Variants in ADNP2 observed in about 807,000 individuals in gnomAD.
ADNP2 encodes the protein ADNP homeobox 2.
In ADNP2, 8 loss-of-function variants were observed where a neutral mutation model predicts 16.4. The observed-to-expected ratio is 0.49, with a 90% CI of 0.29 to 0.88. The LOEUF is 0.88. ADNP2 is among the 40% of genes least tolerant of loss of function. The pLI, the probability that ADNP2 is intolerant of heterozygous loss-of-function variation, is 0.09. For missense variants in ADNP2, 1,397 were observed against 1,395.1 expected (o/e 1.00, Z -0.02); for synonymous variants, 637 against 545.8 (o/e 1.17, Z -2.33).
chr18:80,122,983 A>AT (rs1350742673), intron 2 of ADNP2, among the ~76,000 whole-genome samples: 1 of 151,904 alleles, frequency 6.6e-6, no homozygotes, highest in Non-Finnish European at 1.5e-5. Flanking sequence ...AGTCCCTTCA[A>AT]TTCCTAGTTT....
intron 1 of ADNP2, among the ~76,000 whole-genome samples, chr18:80,113,804 A>C (rs936533691): frequency 1.3e-5 from 2 of 152,092 alleles, no homozygotes; most frequent in Non-Finnish European, 2.9e-5. Flanking sequence ...TTATGGTACT[A>C]AGTCCTAGGA....
chr18:80,118,102 A>G (rs2052400742), intron 2 of ADNP2, among the ~76,000 whole-genome samples: 1 of 152,194 alleles, frequency 6.6e-6, no homozygotes, highest in Non-Finnish European at 1.5e-5. Flanking sequence ...GTTGGCATAT[A>G]TAGTTTTAAA....
At chr18:80,120,825 T>G (rs2052419852) in intron 2 of ADNP2, among the ~76,000 whole-genome samples, 1 of 152,118 alleles carries the variant, frequency 6.6e-6, no homozygotes. Context: ...CAACTAATTT[T>G]TGTATTTTTA....
Position 80,116,992 on chromosome 18 carries a change from G to T in ADNP2, c.-13-538G>T, listed in dbSNP as rs532176456. ...AGTGGACATTTTTCTTTGGAGAAGT[G>T]TCTATGATCCTTTGCCCATTTGTAA... On this transcript the variant is annotated intron_variant, in intron 1 of 3. Transcript: ENST00000262198. Among the ~76,000 whole-genome samples the T allele has an allele frequency of 2.0e-5, 3 of 152,286 alleles. No homozygotes were observed. The East Asian group carries it at 5.8e-4, about 29-fold the overall frequency.
At chr18:80,112,054 C>T (rs2052361105) in intron 1 of ADNP2, among the ~76,000 whole-genome samples, 1 of 152,050 alleles carries the variant, frequency 6.6e-6, no homozygotes, top group Non-Finnish European at 1.5e-5. Context: ...TAGGTTGGTG[C>T]ATGATGTGGA....
At chr18:80,113,508 A>T (rs2052370700) in intron 1 of ADNP2, among the ~76,000 whole-genome samples, 1 of 152,036 alleles carries the variant, frequency 6.6e-6, no homozygotes, top group Non-Finnish European at 1.5e-5. Context: ...TAATTTTTTG[A>T]TGCTAATTTA....
intron 1 of ADNP2, among the ~76,000 whole-genome samples, chr18:80,113,927 A>G (rs189389987): frequency 2.6e-5 from 4 of 152,246 alleles, no homozygotes; most frequent in Admixed American, 2.0e-4. Context: ...ATGGTGGTTC[A>G]TGCCTGTAAT....
intron 2 of ADNP2, among the ~76,000 whole-genome samples, chr18:80,132,616 TTTC>T (rs1418567852): frequency 6.6e-6 from 1 of 152,006 alleles, no homozygotes; most frequent in African/African-American, 2.4e-5. Flanking sequence ...TCTCTTTCTC[TTTC>T]TTTTTTCTCT....
intron 1 of ADNP2, chr18:80,110,087 C>T (rs534224703): frequency 2.0e-5 from 3 of 152,250 alleles, no homozygotes; most frequent in South Asian, 2.1e-4. Context: ...GTTTGAAGAA[C>T]AGCTGATAAC....
intron 1 of ADNP2, among the ~76,000 whole-genome samples, chr18:80,111,612 G>T (rs531563012): frequency 2.3e-4 from 34 of 149,420 alleles, no homozygotes; most frequent in Non-Finnish European, 4.1e-4. Context: ...TGTCGCCCAG[G>T]CTGGAGTGCA....
rs1194640698 is a variant in ADNP2, at chr18:80,137,845, A to G, written c.2432A>G (p.Asp811Gly). The change falls in exon 4 of 4, where the codon GAT becomes GGT. Residue 811 changes from aspartate to glycine, a missense_variant. Transcript: ENST00000262198. The surrounding 1 kb of genome is among the most constrained non-coding windows in gnomAD (Gnocchi z 4.2). ...MDYSNRGFQL[D>G]VDANGNLLFP... is the part of the protein sequence containing the mutation. Reference sequence around the variant, plus strand: ...TATAGCAACAGAGGTTTTCAATTAGATGTCGATGCCAATGGCAACCTGCTC... The same window carrying G: ...TATAGCAACAGAGGTTTTCAATTAGGTGTCGATGCCAATGGCAACCTGCTC... 1.2e-6 allele frequency: 2 copies of G among 1,614,048 alleles called. No individual in the cohort carries two copies. The highest frequency in any genetic ancestry group is 2.2e-5 in the East Asian group (1 of 44,876).
At chr18:80,122,126 G>A (rs746425004) in intron 2 of ADNP2, among the ~76,000 whole-genome samples, 11 of 152,024 alleles carry the variant, frequency 7.2e-5, no homozygotes, top group Non-Finnish European at 1.5e-4. Flanking sequence ...TGTGATGTTG[G>A]CCAGGCTGAT....
chr18:80,133,347 A>G lies in ADNP2; in HGVS notation c.198+155A>G, dbSNP rs11659940. Among the ~76,000 whole-genome samples the G allele has an allele frequency of 8.6e-3, 1,311 of 152,308 alleles. 12 individuals are homozygous for G. Among genetic ancestry groups the G allele is most frequent in the Admixed American group, 0.019 (295 of 15,304 alleles). On this transcript the variant is annotated intron_variant, in intron 3 of 3. Coordinates refer to ENST00000262198, the MANE Select transcript of ADNP2 (RefSeq NM_014913.4). Reference sequence around the variant, plus strand: ...TCAGAGAAGTAGCAAGAAACCAAGTATAGTGTGTGGTCAGGCAGGGTTACT... The same window carrying G: ...TCAGAGAAGTAGCAAGAAACCAAGTGTAGTGTGTGGTCAGGCAGGGTTACT...
intron 2 of ADNP2, among the ~76,000 whole-genome samples, chr18:80,128,575 G>A (rs540259567): frequency 4.6e-5 from 7 of 152,172 alleles, no homozygotes; most frequent in Non-Finnish European, 7.3e-5. Context: ...GGTTGAACAC[G>A]GGAGGTGGAG....
In ADNP2 at chr18:80,136,065, A is replaced by G. The variant is rs1161591256; in HGVS notation, c.652A>G (p.Lys218Glu). ...KIPPPDKYYC[K>E]KCNANASSQD... ...CCCACCACCTGACAAATATTACTGT[A>G]AAAAGTGCAACGCCAATGCCAGCAG... is the stretch of plus-strand genomic sequence containing the variant. Residue 218 changes from lysine to glutamate, a missense_variant, in exon 4 of 4, where the codon AAA becomes GAA. Physicochemically the swap from Lys to Glu is moderately conservative, Grantham distance 56. This residue lies in a region of ADNP2 where 777 missense variants were observed against 719.4 expected (regional missense o/e 1.08). Transcript: ENST00000262198. 1 of 1,614,230 alleles carries G rather than the reference A, an allele frequency of 6.2e-7. No homozygotes were observed.
In ADNP2 at chr18:80,136,441, A is replaced by G; in HGVS notation, c.1028A>G (p.Asn343Ser). The change falls in exon 4 of 4, where the codon AAC becomes AGC. Residue 343 changes from asparagine (N) to serine (S), a missense_variant. This residue lies in a region of ADNP2 where 777 missense variants were observed against 719.4 expected (regional missense o/e 1.08). Transcript: ENST00000262198. ...TCCAGCCCTCTGCCTGTGGGCCAGA[A>G]CAGCCTCACCCTGCAGCCCCCAGCA... ...LVSSPLPVGQNSLTLQPPAPQ... is the reference protein window; with the variant it reads ...LVSSPLPVGQSSLTLQPPAPQ... The G allele has an allele frequency of 6.2e-7, 1 of 1,613,648 alleles. No individual in the cohort carries two copies. Among genetic ancestry groups the G allele is most frequent in the Non-Finnish European group, 8.5e-7 (1 of 1,179,858 alleles).
intron 2 of ADNP2, among the ~76,000 whole-genome samples, chr18:80,128,669 T>TA (rs1272875887): frequency 2.0e-5 from 3 of 152,244 alleles, no homozygotes; most frequent in African/African-American, 7.2e-5. Context: ...AATAAATAAA[T>TA]AAAAATAAAG....
intron 1 of ADNP2, among the ~76,000 whole-genome samples, chr18:80,112,138 T>G (rs2052361616): frequency 6.6e-6 from 1 of 152,214 alleles, no homozygotes; most frequent in Non-Finnish European, 1.5e-5. Context: ...TCTAAGATTC[T>G]ATGGAGAACA....
rs3744878 is a variant in ADNP2, at chr18:80,137,309, G to A, written c.1896G>A (p.Ala632=). The A allele has an allele frequency of 0.16, 252,876 of 1,613,994 alleles. 20,886 individuals carry two copies. The highest frequency in any genetic ancestry group is 0.23 in the Middle Eastern group (1,402 of 6,062). Residue 632 remains alanine (A), a synonymous_variant, in exon 4 of 4, where the codon GCG becomes GCA. Transcript: ENST00000262198. The surrounding 1 kb of genome is among the most constrained non-coding windows in gnomAD (Gnocchi z 4.2). ...VTLPVPPGGL[A]TVAPPQMPIQ... ...TGCCGGTTCCCCCTGGAGGCCTTGC[G>A]ACTGTCGCTCCGCCCCAGATGCCCA...
Sources: allele counts gnomAD v4.1 joint callset (sites outside exome capture counted in the v4.1 genomes callset), GRCh38; gene constraint gnomAD v4.1.1; regional missense constraint gnomAD v4.1.1; non-coding constraint Gnocchi (gnomAD v3.1); transcripts MANE v1.5; gene names NCBI Gene and HGNC (gene_info 2026-07-23, HGNC 2026-07-21).